The following AP4S1 variants were observed in gnomAD, a reference collection of about 807,000 sequenced individuals.
The protein encoded by AP4S1 is AP-4 complex subunit sigma-1.
Under a neutral mutation model 19.8 loss-of-function variants are expected in AP4S1, and 23 were observed. That is an observed-to-expected ratio of 1.16 (90% CI 0.84 to 1.65). The LOEUF (loss-of-function observed/expected upper bound fraction) is 1.65. Ranked by LOEUF, AP4S1 falls within the 40% of genes most tolerant of loss-of-function variation. AP4S1 has a pLI of 0.00. For synonymous variants in AP4S1, 46 were observed against 54.1 expected, an observed-to-expected ratio of 0.85 and a Z score of 0.66; for missense variants, 166 against 172.8, an observed-to-expected ratio of 0.96 and a Z score of 0.22.
intron 1 of AP4S1, among the ~76,000 whole-genome samples, chr14:31,063,897 C>A (rs927225073): frequency 6.6e-6 from 1 of 152,166 alleles, no homozygotes; most frequent in Non-Finnish European, 1.5e-5. Context: ...TGTTAAAGTT[C>A]ATTTAAGAAC....
chr14:31,077,741 T>TTC (rs1345601057), intron 4 of AP4S1, among the ~76,000 whole-genome samples: 1 of 142,900 alleles, frequency 7.0e-6, no homozygotes, highest in African/African-American at 2.6e-5. Context: ...TCTTTTTTCT[T>TTC]TTTTTTTTTT....
intron 1 of AP4S1, among the ~76,000 whole-genome samples, chr14:31,040,833 T>C (rs1422252127): frequency 6.6e-6 from 1 of 152,070 alleles, no homozygotes; most frequent in Non-Finnish European, 1.5e-5. Flanking sequence ...GCCAGTTTTC[T>C]TTGGGAATCA....
At chr14:31,063,490 G>C (rs1886551484) in intron 1 of AP4S1, among the ~76,000 whole-genome samples, 1 of 152,006 alleles carries the variant, frequency 6.6e-6, no homozygotes, top group South Asian at 2.1e-4. Flanking sequence ...TGTATCTGTA[G>C]TCCCAGCTAC....
At position 31,073,369 on chromosome 14, in the gene AP4S1, A is replaced by G. The variant is rs191539177; in HGVS notation, c.294+396A>G. ...GCTGGGCGTGGTGGTGGGCGCCTGT[A>G]GTCCCAGCTACTCCGGAGGCTGAGG... On this transcript the variant is annotated intron_variant, in intron 4 of 5. Transcript: ENST00000542754. Among the ~76,000 whole-genome samples the G allele has an allele frequency of 2.9e-3, 390 of 133,448 alleles. 6 individuals carry two copies. Among genetic ancestry groups the G allele is most frequent in the African/African-American group, 9.2e-3 (355 of 38,602 alleles). 87.5% of individuals were successfully genotyped at this position (133,448 alleles called of 152,430 possible). A position where few individuals can be genotyped will look rare whatever the true frequency, so the allele number is the denominator to read the frequency against.
intron 2 of AP4S1, among the ~76,000 whole-genome samples, chr14:31,068,561 A>G (rs1566534595): frequency 6.6e-6 from 1 of 152,272 alleles, no homozygotes; most frequent in East Asian, 1.9e-4. Context: ...TACTTTAAGT[A>G]AAAGTAAATA....
At chr14:31,026,187 G>T in intron 1 of AP4S1, 1 of 1,456,500 alleles carries the variant, frequency 6.9e-7, no homozygotes, top group Non-Finnish European at 9.0e-7. Context: ...CTCGTCCATT[G>T]TGTGTGGGGC....
intron 1 of AP4S1, among the ~76,000 whole-genome samples, chr14:31,065,015 A>G (rs1886639554): frequency 6.6e-6 from 1 of 152,178 alleles, no homozygotes; most frequent in Non-Finnish European, 1.5e-5. Context: ...TGCTCAGCAC[A>G]GCACCTTACA....
chr14:31,082,905 A>G (rs913570320), intron 5 of AP4S1, among the ~76,000 whole-genome samples: 3 of 152,148 alleles, frequency 2.0e-5, no homozygotes, highest in Non-Finnish European at 2.9e-5. Flanking sequence ...CAAAAAAAAA[A>G]AAAAAGACTA....
intron 1 of AP4S1, chr14:31,027,068 A>C (rs1347551997): frequency 1.4e-5 from 2 of 142,160 alleles, no homozygotes; most frequent in South Asian, 2.4e-4. Flanking sequence ...AACTTATTCC[A>C]CTTTGCGTCC....
intron 1 of AP4S1, chr14:31,026,171 G>C (rs905603102): frequency 1.1e-5 from 17 of 1,482,910 alleles, no homozygotes; most frequent in East Asian, 5.7e-5. Context: ...CACCGCCTCC[G>C]GCAAGCTCGT....
Position 31,093,273 on chromosome 14 carries a change from G to T in AP4S1, c.*238G>T. 1 of 341,968 alleles carries T rather than the reference G, an allele frequency of 2.9e-6. No homozygotes were observed. Among genetic ancestry groups the T allele is most frequent in the Non-Finnish European group, 5.2e-6 (1 of 191,464 alleles). The allele number at this position is 341,968 out of a possible 1,614,324, so 21.2% of individuals were successfully genotyped here. ...GAGAGAGAAGTTTTATTTTCTAATT[G>T]TAAACATATCTGTCGCACTTTAAAT... On this transcript the variant is annotated 3_prime_UTR_variant, in exon 6 of 6. Coordinates refer to ENST00000542754, the MANE Select transcript of AP4S1 (RefSeq NM_001128126.3).
intron 5 of AP4S1, among the ~76,000 whole-genome samples, chr14:31,081,147 A>G (rs1055223348): frequency 9.2e-5 from 14 of 152,230 alleles, no homozygotes; most frequent in African/African-American, 2.9e-4. Flanking sequence ...ATAGTAGTTA[A>G]TAGCTACTAT....
chr14:31,085,857 G>A lies in AP4S1; in HGVS notation c.306+5273G>A, dbSNP rs1430554211. 9.1e-6 allele frequency: 9 copies of A among 984,308 alleles called. No individual in the cohort carries two copies. The African/African-American group carries it at 1.4e-4, about 15-fold the overall frequency. 61.0% of individuals were successfully genotyped at this position (984,308 alleles called of 1,614,324 possible). On this transcript the variant is annotated intron_variant, in intron 5 of 5. Coordinates refer to ENST00000542754, the MANE Select transcript of AP4S1 (RefSeq NM_001128126.3). ...CTCAAAGACTGAGCAGTTGATTCTA[G>A]AGCCCTAAAGCTCTGGTGGGTTGTG... is the stretch of plus-strand genomic sequence containing the variant.
intron 1 of AP4S1, among the ~76,000 whole-genome samples, chr14:31,062,892 G>A (rs1013376481): frequency 2.0e-5 from 3 of 152,018 alleles, no homozygotes; most frequent in Admixed American, 1.3e-4. Context: ...GCATGAACCC[G>A]GGAGGCGGAG....
intron 5 of AP4S1, among the ~76,000 whole-genome samples, chr14:31,091,509 G>A (rs1367129692): frequency 6.6e-6 from 1 of 151,430 alleles, no homozygotes; most frequent in African/African-American, 2.4e-5. Flanking sequence ...GTATTAATAG[G>A]TATATCAGAA....
rs994034106 is a variant in AP4S1, at chr14:31,093,077, G to C, written c.*42G>C. 1.3e-6 allele frequency: 2 copies of C among 1,535,782 alleles called. No homozygotes were observed. The highest frequency in any genetic ancestry group is 8.8e-7 in the Non-Finnish European group (1 of 1,141,332). Reference sequence around the variant, plus strand: ...GACAATATGGATTTATCAGAAATGCGAGTACCGTGGAATACATCTCAACAT... The same window carrying C: ...GACAATATGGATTTATCAGAAATGCCAGTACCGTGGAATACATCTCAACAT... On this transcript the variant is annotated 3_prime_UTR_variant, in exon 6 of 6. Transcript: ENST00000542754.
In AP4S1 at chr14:31,049,474, T is replaced by TACACACACACAC. The variant is rs1165169644; in HGVS notation, c.-71-16628_-71-16617dup. ...ATATATATATATATGTATATATATG[T>TACACACACACAC]ACACACACACACACACACACACACA... On this transcript the variant is annotated intron_variant, in intron 1 of 5. Coordinates refer to ENST00000542754, the MANE Select transcript of AP4S1 (RefSeq NM_001128126.3). Among the ~76,000 whole-genome samples, 546 of 57,134 alleles carry TACACACACACAC rather than the reference T, an allele frequency of 9.6e-3. 4 individuals are homozygous for TACACACACACAC. Among genetic ancestry groups the TACACACACACAC allele is most frequent in the South Asian group, 0.02 (26 of 1,302 alleles). 37.5% of individuals were successfully genotyped at this position (57,134 alleles called of 152,430 possible). A position where few individuals can be genotyped will look rare whatever the true frequency, so the allele number is the denominator to read the frequency against.
At chr14:31,025,648 T>C (rs1015454508), upstream of AP4S1, 2 of 537,520 alleles carry the variant, frequency 3.7e-6, no homozygotes, top group African/African-American at 4.0e-5. Context: ...GCAGACGCCA[T>C]ACTAAAAGCC....
chr14:31,030,044 A>G (rs1197744045), intron 1 of AP4S1, among the ~76,000 whole-genome samples: 2 of 151,548 alleles, frequency 1.3e-5, no homozygotes, highest in Admixed American at 1.3e-4. Context: ...GCAGTGGCAC[A>G]ATCTTGGCTC....
Sources: gnomAD v4.1 joint callset for allele counts (sites outside exome capture counted in the v4.1 genomes callset) on GRCh38, gnomAD v4.1.1 for gene constraint, MANE v1.5 for transcripts, NCBI Gene and HGNC (gene_info 2026-07-23, HGNC 2026-07-21) for gene names.